The following WDPCP variants were observed in gnomAD, a reference collection of about 807,000 sequenced individuals.
The protein encoded by WDPCP is WD repeat containing planar cell polarity effector, also known as WD repeat-containing and planar cell polarity effector protein fritz homolog.
Under a neutral mutation model 93.1 loss-of-function variants are expected in WDPCP, and 71 were observed. That is an observed-to-expected ratio of 0.76 (90% CI 0.63 to 0.93). WDPCP has a LOEUF of 0.93. WDPCP is among the 40% of genes least tolerant of loss of function. The pLI, the probability that WDPCP is intolerant of heterozygous loss-of-function variation, is 0.00. For missense variants in WDPCP, 844 were observed against 887.4 expected, an observed-to-expected ratio of 0.95 and a Z score of 0.62; for synonymous variants, 315 against 315.0, an observed-to-expected ratio of 1.00 and a Z score of 0.00.
chr2:63,179,168 C>G (rs1414923914), intron 14 of WDPCP, among the ~76,000 whole-genome samples: 1 of 146,962 alleles, frequency 6.8e-6, no homozygotes, highest in African/African-American at 2.5e-5. Flanking sequence ...CCACTGCACT[C>G]CAGCCTGGGT....
intron 6 of WDPCP, among the ~76,000 whole-genome samples, chr2:63,470,335 T>C (rs1331129798): frequency 6.6e-6 from 1 of 152,226 alleles, no homozygotes; most frequent in Non-Finnish European, 1.5e-5. Flanking sequence ...GGCTATCTAA[T>C]GGGCATTTCA....
chr2:63,259,281 C>T lies in WDPCP; in HGVS notation c.1915+26G>A, dbSNP rs775656586. On this transcript the variant is annotated intron_variant, in intron 14 of 17. Transcript: ENST00000272321. The stretch of plus-strand genomic sequence containing the variant: ...ACTAACTATTGATTAAAATAAAAAG[C>T]ACTTAAAAATAGCGTTAATTCTTAC... The T allele has an allele frequency of 8.5e-5, 133 of 1,560,076 alleles. 2 individuals are homozygous for T. The highest frequency in any genetic ancestry group is 4.2e-4 in the South Asian group (38 of 90,020).
At chr2:63,316,417 C>A (rs1034242862) in intron 12 of WDPCP, among the ~76,000 whole-genome samples, 9 of 151,900 alleles carry the variant, frequency 5.9e-5, no homozygotes, top group African/African-American at 1.5e-4. Flanking sequence ...TCTGGGAGGC[C>A]GAGATGGATT....
At chr2:63,745,599 A>T (rs1669782549) in intron 2 of WDPCP, among the ~76,000 whole-genome samples, 1 of 152,030 alleles carries the variant, frequency 6.6e-6, no homozygotes. Flanking sequence ...TATTGGTCTT[A>T]TAGCTCTGCA....
chr2:63,207,823 G>C (rs995229443), intron 14 of WDPCP, among the ~76,000 whole-genome samples: 1 of 152,052 alleles, frequency 6.6e-6, no homozygotes, highest in African/African-American at 2.4e-5. Flanking sequence ...GCTGTATTGC[G>C]TTGGTTTTTC....
chr2:63,588,985 G>T, upstream of WDPCP: 2 of 1,613,818 alleles, frequency 1.2e-6, no homozygotes, highest in African/African-American at 1.3e-5. Context: ...CGGTAGAGGT[G>T]ACCTGACTCT....
intron 6 of WDPCP, among the ~76,000 whole-genome samples, chr2:63,456,314 G>A (rs568847827): frequency 6.6e-6 from 1 of 152,274 alleles, no homozygotes; most frequent in African/African-American, 2.4e-5. Context: ...CCACTTGGGA[G>A]GCTGAAGTGG....
chr2:63,826,086 T>C (rs1469030286), intron 1 of WDPCP, among the ~76,000 whole-genome samples: 1 of 152,144 alleles, frequency 6.6e-6, no homozygotes, highest in Non-Finnish European at 1.5e-5. Flanking sequence ...TCTTGCTCAA[T>C]TCAATGCCAT....
intron 3 of WDPCP, among the ~76,000 whole-genome samples, chr2:63,596,706 A>G (rs1446808982): frequency 2.0e-5 from 3 of 152,194 alleles, no homozygotes; most frequent in Non-Finnish European, 2.9e-5. Context: ...AAAATGCTGA[A>G]TGTTGGTCAT....
At chr2:63,355,653 G>C (rs1437791783) in intron 12 of WDPCP, among the ~76,000 whole-genome samples, 2 of 152,188 alleles carry the variant, frequency 1.3e-5, no homozygotes, top group African/African-American at 2.4e-5. Flanking sequence ...GCTGAGGCAG[G>C]TGGATCACTT....
intron 12 of WDPCP, among the ~76,000 whole-genome samples, chr2:63,313,886 A>ATGTGTGTGTGTATATATATATATTT: frequency 2.7e-5 from 2 of 74,502 alleles, no homozygotes. Flanking sequence ...ATATATATAT[A>ATGTGTGTGTGTATATATATATATTT]TTTTTTTTTT....
At chr2:63,595,297 AATC>A in intron 3 of WDPCP, 1 of 714,302 alleles carries the variant, frequency 1.4e-6, no homozygotes, top group South Asian at 1.5e-5. Context: ...CTCCTAAAAT[AATC>A]ATCATGACTA....
chr2:63,764,216 G>A (rs1270869287), intron 2 of WDPCP, among the ~76,000 whole-genome samples: 1 of 152,032 alleles, frequency 6.6e-6, no homozygotes, highest in Non-Finnish European at 1.5e-5. Context: ...TTAATCTCTG[G>A]CTCCACATAA....
chr2:63,659,849 TTGCTC>T (rs1365247723), intron 2 of WDPCP, among the ~76,000 whole-genome samples: 3 of 152,194 alleles, frequency 2.0e-5, no homozygotes. Context: ...TAGGACCAGC[TTGCTC>T]TCTCATGGTC....
In WDPCP at chr2:63,421,603, T is replaced by C. The variant is rs117340716; in HGVS notation, c.825+12142A>G. 2.6e-4 allele frequency among the ~76,000 whole-genome samples: 39 copies of C among 152,274 alleles called. No homozygotes were observed. In the East Asian group the frequency reaches 7.1e-3, roughly 28 times the overall value. On this transcript the variant is annotated intron_variant, in intron 9 of 17. Transcript: ENST00000272321. ...ACAGGCCTTAAGCTTTCACAAAAAG[T>C]TGGTTCAAACTAAAGGTGTTCATCA...
At chr2:63,458,511 T>C (rs1360044259) in intron 6 of WDPCP, among the ~76,000 whole-genome samples, 1 of 152,008 alleles carries the variant, frequency 6.6e-6, no homozygotes, top group East Asian at 1.9e-4. Context: ...AAAAATAAAA[T>C]ACTTAGGAAT....
At chr2:63,483,153 A>C (rs551440803) in intron 6 of WDPCP, among the ~76,000 whole-genome samples, 4 of 151,886 alleles carry the variant, frequency 2.6e-5, no homozygotes, top group Non-Finnish European at 5.9e-5. Context: ...ACCCTGTGTG[A>C]TGGGTAAGGG....
intron 14 of WDPCP, among the ~76,000 whole-genome samples, chr2:63,203,009 T>G (rs1407623233): frequency 6.6e-6 from 1 of 152,190 alleles, no homozygotes; most frequent in Non-Finnish European, 1.5e-5. Context: ...TGTTTCATTG[T>G]ACACACGTAC....
intron 1 of WDPCP, among the ~76,000 whole-genome samples, chr2:63,513,731 A>G (rs1702383987): frequency 6.6e-6 from 1 of 152,206 alleles, no homozygotes; most frequent in Non-Finnish European, 1.5e-5. Flanking sequence ...AAATCTGAAC[A>G]GACAAGCCTT....
Sources: gnomAD v4.1 joint callset for allele counts (sites outside exome capture counted in the v4.1 genomes callset) on GRCh38, gnomAD v4.1.1 for gene constraint, MANE v1.5 for transcripts, NCBI Gene and HGNC (gene_info 2026-07-23, HGNC 2026-07-21) for gene names.